TRPM3: variants seen among roughly 807,000 people sequenced by gnomAD.
TRPM3 encodes the protein transient receptor potential cation channel subfamily M member 3.
Under a neutral mutation model 181.2 loss-of-function variants are expected in TRPM3, and 77 were observed. The observed-to-expected ratio is 0.42, with a 90% confidence interval of 0.35 to 0.51. The LOEUF (loss-of-function observed/expected upper bound fraction) is 0.51, where lower values mean the gene tolerates loss of function less well. Ranked by LOEUF, TRPM3 falls within the 20% of genes least tolerant of loss-of-function variation. The pLI is 0.01. For missense variants in TRPM3, 1,759 were observed against 2,196.7 expected (o/e 0.80, Z 3.98); for synonymous variants, 745 against 796.4 (o/e 0.94, Z 1.09).
At chr9:70,983,168 A>G (rs2097380893) in intron 1 of TRPM3, among the ~76,000 whole-genome samples, 1 of 151,990 alleles carries the variant, frequency 6.6e-6, no homozygotes, top group South Asian at 2.1e-4. Flanking sequence ...ACTTCCTTCT[A>G]CAACCTCTCT....
intron 1 of TRPM3, among the ~76,000 whole-genome samples, chr9:71,031,344 C>A (rs926020918): frequency 1.5e-4 from 23 of 152,112 alleles, no homozygotes; most frequent in African/African-American, 4.6e-4. Context: ...TTATGGTTAG[C>A]CTCATTTGAG....
At chr9:71,066,914 C>T (rs1825338579) in intron 1 of TRPM3, among the ~76,000 whole-genome samples, 2 of 152,288 alleles carry the variant, frequency 1.3e-5, no homozygotes, top group South Asian at 2.1e-4. Flanking sequence ...ATAAGCTACA[C>T]ATTCATAACC....
At chr9:71,355,269 G>A (rs1187582658) in intron 1 of TRPM3, among the ~76,000 whole-genome samples, 3 of 152,178 alleles carry the variant, frequency 2.0e-5, no homozygotes, top group African/African-American at 7.2e-5. Flanking sequence ...ATATGATCAA[G>A]TTATTATAAA....
intron 1 of TRPM3, among the ~76,000 whole-genome samples, chr9:71,014,157 G>T (rs1029318345): frequency 2.0e-5 from 3 of 151,686 alleles, no homozygotes; most frequent in South Asian, 4.2e-4. Flanking sequence ...CTGAAATTTT[G>T]GTTTATAATT....
chr9:70,542,133 G>T (rs747394743), intron 25 of TRPM3, among the ~76,000 whole-genome samples: 1 of 152,058 alleles, frequency 6.6e-6, no homozygotes, highest in South Asian at 2.1e-4. Flanking sequence ...ACAAAACAAA[G>T]TTCAATGTAA....
chr9:70,967,097 A>G (rs2097193203), intron 1 of TRPM3, among the ~76,000 whole-genome samples: 1 of 152,088 alleles, frequency 6.6e-6, no homozygotes, highest in African/African-American at 2.4e-5. Context: ...CTGGAACTCT[A>G]ATGAGGAAAT....
Position 71,204,828 on chromosome 9 carries a change from G to A in TRPM3, c.183+241825C>T, listed in dbSNP as rs535873302. 8.8e-4 allele frequency among the ~76,000 whole-genome samples: 134 copies of A among 152,248 alleles called. 1 individual carries two copies. The Middle Eastern group carries it at 0.01, about 12-fold the overall frequency. ...GGAACCAAGCGAAATGTCCAACAAT[G>A]ATAGACTGGATTAAGAAAATGTGGC... On this transcript the variant is annotated intron_variant, in intron 1 of 24. Coordinates refer to the TRPM3 transcript ENST00000357533.
intron 1 of TRPM3, among the ~76,000 whole-genome samples, chr9:71,252,952 G>A (rs2082443087): frequency 6.7e-6 from 1 of 148,794 alleles, no homozygotes; most frequent in Non-Finnish European, 1.5e-5. Context: ...CTCCTGAAGT[G>A]CTGAGATTAC....
intron 1 of TRPM3, among the ~76,000 whole-genome samples, chr9:71,201,422 C>A (rs1309367951): frequency 6.6e-6 from 1 of 152,164 alleles, no homozygotes; most frequent in Non-Finnish European, 1.5e-5. Context: ...TGTTGGCCTA[C>A]CTTGCTAGAT....
intron 1 of TRPM3, among the ~76,000 whole-genome samples, chr9:71,289,516 G>C (rs550340018): frequency 6.6e-6 from 1 of 152,256 alleles, no homozygotes; most frequent in Non-Finnish European, 1.5e-5. Context: ...TCAAGTTCTA[G>C]TGTTCAATAG....
At chr9:71,102,835 A>C (rs547088450) in intron 1 of TRPM3, among the ~76,000 whole-genome samples, 1 of 152,244 alleles carries the variant, frequency 6.6e-6, no homozygotes, top group Admixed American at 6.5e-5. Context: ...AGATTATGCT[A>C]TTTTCATCTT....
intron 1 of TRPM3, among the ~76,000 whole-genome samples, chr9:71,079,940 G>A (rs185802479): frequency 6.6e-6 from 1 of 152,250 alleles, no homozygotes; most frequent in African/African-American, 2.4e-5. Context: ...GGAGGCCAAG[G>A]CGGGCAGATC....
At chr9:70,918,551 A>T (rs544449654) in intron 1 of TRPM3, among the ~76,000 whole-genome samples, 3 of 152,354 alleles carry the variant, frequency 2.0e-5, no homozygotes, top group South Asian at 2.1e-4. Context: ...GAAGGAAATT[A>T]AAAAATTTCT....
At chr9:70,993,361 A>G (rs538682346) in intron 1 of TRPM3, among the ~76,000 whole-genome samples, 2 of 152,162 alleles carry the variant, frequency 1.3e-5, no homozygotes, top group East Asian at 3.9e-4. Flanking sequence ...TAGAATCGAT[A>G]TGTATTCTAG....
intron 22 of TRPM3, among the ~76,000 whole-genome samples, chr9:70,585,536 C>T (rs1204612979): frequency 6.6e-6 from 1 of 152,212 alleles, no homozygotes; most frequent in African/African-American, 2.4e-5. Flanking sequence ...CCCATACCCC[C>T]ATAGTTCCTT....
intron 1 of TRPM3, among the ~76,000 whole-genome samples, chr9:71,004,492 A>G (rs941297568): frequency 7.2e-5 from 11 of 152,252 alleles, no homozygotes; most frequent in African/African-American, 2.7e-4. Flanking sequence ...ACACCACCAA[A>G]AACACCAGCA....
At chr9:70,902,917 C>T (rs1564724779) in intron 1 of TRPM3, among the ~76,000 whole-genome samples, 1 of 152,194 alleles carries the variant, frequency 6.6e-6, no homozygotes, top group Non-Finnish European at 1.5e-5. Flanking sequence ...TAACCCTCGG[C>T]CTGCCTCCAG....
intron 1 of TRPM3, among the ~76,000 whole-genome samples, chr9:71,146,597 GTCCTAACATACA>G (rs1022151647): frequency 6.6e-6 from 1 of 152,018 alleles, no homozygotes; most frequent in Non-Finnish European, 1.5e-5. Context: ...CTGGTTTTTT[GTCCTAACATACA>G]TCCTTCTTCT....
At chr9:71,404,741 G>T (rs985251061) in intron 1 of TRPM3, among the ~76,000 whole-genome samples, 1 of 152,094 alleles carries the variant, frequency 6.6e-6, no homozygotes, top group African/African-American at 2.4e-5. Flanking sequence ...TGGACTTCAT[G>T]CAAAACAAAA....
Sources: gnomAD v4.1 joint callset for allele counts (sites outside exome capture counted in the v4.1 genomes callset) on GRCh38, gnomAD v4.1.1 for gene constraint, MANE v1.5 for transcripts, NCBI Gene and HGNC (gene_info 2026-07-23, HGNC 2026-07-21) for gene names.